Variants in NCAPD3 observed in about 807,000 individuals in gnomAD.
NCAPD3 encodes non-SMC condensin II complex subunit D3, also known as condensin-2 complex subunit D3.
In NCAPD3, 105 loss-of-function variants were observed where a neutral mutation model predicts 182.9. That is an observed-to-expected ratio of 0.57 (90% CI 0.49 to 0.68). The LOEUF (loss-of-function observed/expected upper bound fraction) is 0.68, where lower values mean the gene tolerates loss of function less well. Among genes scored for constraint, NCAPD3 ranks in the 30% least tolerant of loss-of-function variants. NCAPD3 has a pLI of 0.00. For missense variants in NCAPD3, 1,944 were observed against 1,837.0 expected, an observed-to-expected ratio of 1.06 and a Z score of -1.07; for synonymous variants, 815 against 679.9, an observed-to-expected ratio of 1.20 and a Z score of -3.09.
intron 27 of NCAPD3, among the ~76,000 whole-genome samples, chr11:134,165,928 GAGC>G (rs1453438896): frequency 7.9e-6 from 1 of 126,828 alleles, no homozygotes; most frequent in African/African-American, 3.1e-5. Flanking sequence ...GAGCTTGGGG[GAGC>G]AGCACACTCA....
chr11:134,171,421 CAT>C (rs1423695133), intron 24 of NCAPD3, among the ~76,000 whole-genome samples: 1 of 152,160 alleles, frequency 6.6e-6, no homozygotes, highest in Non-Finnish European at 1.5e-5. Flanking sequence ...TAGTAGGAAA[CAT>C]AAAAATCTGA....
chr11:134,224,135 A>C (rs1591872876), upstream of NCAPD3: 1 of 621,622 alleles, frequency 1.6e-6, no homozygotes, highest in African/African-American at 1.8e-5. Context: ...GTGGAAGCCA[A>C]ACAAGGCTCC....
chr11:134,206,540 AG>A, intron 8 of NCAPD3, 58 bp downstream of exon 8: 1 of 1,583,422 alleles, frequency 6.3e-7, no homozygotes, highest in Non-Finnish European at 8.6e-7. Flanking sequence ...ATCTTAGTGC[AG>A]GGCCCAGAGT....
rs1452317019 is a variant in NCAPD3, at chr11:134,150,900, G to A, written c.*2044C>T. 6.6e-6 allele frequency: 1 copy of A among 152,182 alleles called. No individual in the cohort carries two copies. Among genetic ancestry groups the A allele is most frequent in the Non-Finnish European group, 1.5e-5 (1 of 68,042 alleles). The allele number at this position is 152,182 out of a possible 1,614,324, so 9.4% of individuals were successfully genotyped here. On this transcript the variant is annotated 3_prime_UTR_variant, in exon 35 of 35. Coordinates refer to ENST00000534548, the MANE Select transcript of NCAPD3 (RefSeq NM_015261.3). ...TGAAAGGCCTGGCGGGGAGGAAAGT[G>A]AAACGCCTGAATCAAAAGCAGTTTT...
At chr11:134,167,041 C>A (rs1301730667) in intron 27 of NCAPD3, among the ~76,000 whole-genome samples, 2 of 89,580 alleles carry the variant, frequency 2.2e-5, no homozygotes, top group Non-Finnish European at 4.1e-5. Context: ...CTTGGGGGAG[C>A]TGCACACTCA....
At chr11:134,159,116 TA>T in intron 29 of NCAPD3, among the ~76,000 whole-genome samples, 1 of 152,366 alleles carries the variant, frequency 6.6e-6, no homozygotes, top group South Asian at 2.1e-4. Flanking sequence ...AGTGCTGCAA[TA>T]AACATGGGAG....
chr11:134,222,000 T>C (rs995636614), intron 1 of NCAPD3, among the ~76,000 whole-genome samples: 1 of 152,234 alleles, frequency 6.6e-6, no homozygotes, highest in Non-Finnish European at 1.5e-5. Context: ...GCAAAAGTTA[T>C]CTCACTCCTT....
At chr11:134,164,199 G>A (rs970973836) in intron 27 of NCAPD3, among the ~76,000 whole-genome samples, 1 of 152,182 alleles carries the variant, frequency 6.6e-6, no homozygotes, top group African/African-American at 2.4e-5. Flanking sequence ...CAGTCATTCA[G>A]ATCCAAATTC....
intron 25 of NCAPD3, 86 bp from the exon 26 acceptor site, chr11:134,168,688 C>A: frequency 6.4e-7 from 1 of 1,563,426 alleles, no homozygotes; most frequent in Non-Finnish European, 8.7e-7. Context: ...ATCCTAAAAG[C>A]TGCATGCCAA....
intron 3 of NCAPD3, among the ~76,000 whole-genome samples, chr11:134,211,736 T>A (rs1012781600): frequency 6.6e-6 from 1 of 151,966 alleles, no homozygotes; most frequent in Admixed American, 6.6e-5. Flanking sequence ...ACTTCCTTGA[T>A]CTGAAAAAGA....
At chr11:134,192,627 T>G (rs1944546730) in intron 16 of NCAPD3, 62 bp downstream of exon 16, 8 of 1,429,322 alleles carry the variant, frequency 5.6e-6, no homozygotes, top group Non-Finnish European at 5.8e-6. Flanking sequence ...TAGGAGAAAT[T>G]TATTAATACA....
intron 19 of NCAPD3, 43 bp from the exon 20 acceptor site, chr11:134,181,227 T>G: frequency 7.7e-7 from 1 of 1,298,928 alleles, no homozygotes; most frequent in Non-Finnish European, 1.1e-6. Flanking sequence ...CCCGCACATC[T>G]CCCAGACTAC....
chr11:134,195,695 A>T (rs1944613884), intron 13 of NCAPD3, among the ~76,000 whole-genome samples: 1 of 152,150 alleles, frequency 6.6e-6, no homozygotes, highest in South Asian at 2.1e-4. Context: ...CAGCCTGGGC[A>T]ACACACCAAG....
Position 134,192,863 on chromosome 11 carries a change from A to AC in NCAPD3, c.1870dup (p.Val624GlyfsTer64). 2 of 1,613,692 alleles carry AC rather than the reference A, an allele frequency of 1.2e-6. No homozygotes were observed. Among genetic ancestry groups the AC allele is most frequent in the Non-Finnish European group, 8.5e-7 (1 of 1,179,730 alleles). On this transcript the variant is annotated frameshift_variant, in exon 16 of 35. Transcript: ENST00000534548. LOFTEE classifies it high-confidence loss of function. Reference sequence around the variant, plus strand: ...CTCGCAGTCCATCACCACCGGGACCACCCCCCGCAACCAGGCTTTCTGGAT... The same window carrying AC: ...CTCGCAGTCCATCACCACCGGGACCACCCCCCCGCAACCAGGCTTTCTGGAT...
In NCAPD3 at chr11:134,152,807, T is replaced by A. The variant is rs995255593; in HGVS notation, c.*137A>T. 1.9e-5 allele frequency: 13 copies of A among 672,890 alleles called. No homozygotes were observed. The highest frequency in any genetic ancestry group is 3.3e-5 in the Non-Finnish European group (13 of 389,018). 41.7% of individuals were successfully genotyped at this position (672,890 alleles called of 1,614,324 possible). ...GAATAGAAGGTGAGTGCCAGGCCCC[T>A]GAGGAGGAGCTCTCGTGTTCCACAG... On this transcript the variant is annotated 3_prime_UTR_variant, in exon 35 of 35. Coordinates refer to ENST00000534548, the MANE Select transcript of NCAPD3 (RefSeq NM_015261.3).
At chr11:134,156,025 C>T (rs1442356734) in intron 32 of NCAPD3, among the ~76,000 whole-genome samples, 1 of 152,248 alleles carries the variant, frequency 6.6e-6, no homozygotes, top group African/African-American at 2.4e-5. Context: ...GAAGCAGTGA[C>T]TAAACGAACG....
chr11:134,184,065 T>A (rs1203707083), intron 19 of NCAPD3, among the ~76,000 whole-genome samples: 1 of 152,256 alleles, frequency 6.6e-6, no homozygotes, highest in Non-Finnish European at 1.5e-5. Flanking sequence ...TATGCATACC[T>A]TTTAAGGAGT....
At position 134,176,346 on chromosome 11, in the gene NCAPD3, A is replaced by T. The variant is rs936320619; in HGVS notation, c.3062T>A (p.Phe1021Tyr). ...GTGTGAATCGATCAGAGTGCTGACA[A>T]ATCGGAAGAACAGGGAGCCCTTCCA... ...VKWKGSLFFR[F>Y]VSTLIDSHPD... Residue 1021 changes from phenylalanine to tyrosine, a missense_variant, in exon 24 of 35, where the codon TTT becomes TAT. Around this residue, in one of 3 missense-constraint regions of NCAPD3, gnomAD observed 1,803 missense variants for 1,674.6 expected, o/e 1.08. Transcript: ENST00000534548. 6.2e-7 allele frequency: 1 copy of T among 1,614,022 alleles called. No individual in the cohort carries two copies. The highest frequency in any genetic ancestry group is 1.3e-5 in the African/African-American group (1 of 74,938).
At chr11:134,216,473 C>T (rs1268799371) in intron 3 of NCAPD3, among the ~76,000 whole-genome samples, 4 of 152,222 alleles carry the variant, frequency 2.6e-5, no homozygotes, top group Non-Finnish European at 4.4e-5. Flanking sequence ...AAAACAGACT[C>T]CTGGTCAGTG....
Sources: allele counts gnomAD v4.1 joint callset (sites outside exome capture counted in the v4.1 genomes callset), GRCh38; gene constraint gnomAD v4.1.1; regional missense constraint gnomAD v4.1.1; transcripts MANE v1.5; gene names NCBI Gene and HGNC (gene_info 2026-07-23, HGNC 2026-07-21).